Variants in DET1 observed in about 807,000 individuals in gnomAD.
DET1 encodes DET1 partner of COP1 E3 ubiquitin ligase.
A neutral mutation model predicts 43.7 loss-of-function variants in DET1; 22 were observed. The observed-to-expected ratio is 0.50, with a 90% CI of 0.36 to 0.72. The LOEUF (loss-of-function observed/expected upper bound fraction) is 0.72. Ranked by LOEUF, DET1 falls within the 30% of genes least tolerant of loss-of-function variation. The pLI is 0.00. For synonymous variants in DET1, 315 were observed against 266.2 expected, an observed-to-expected ratio of 1.18 and a Z score of -1.79; for missense variants, 713 against 713.3, an observed-to-expected ratio of 1.00 and a Z score of 0.00.
At chr15:88,515,383 A>G (rs989414414) in intron 4 of DET1, among the ~76,000 whole-genome samples, 3 of 151,830 alleles carry the variant, frequency 2.0e-5, no homozygotes, top group Non-Finnish European at 4.4e-5. Flanking sequence ...CTACAAAAAT[A>G]CAAAAATTAG....
intron 1 of DET1, among the ~76,000 whole-genome samples, chr15:88,540,708 T>C (rs1208492446): frequency 6.9e-6 from 1 of 145,362 alleles, no homozygotes; most frequent in Non-Finnish European, 1.5e-5. Flanking sequence ...CTCTGAAACA[T>C]GTGCTGTGTC....
chr15:88,543,700 C>T (rs1213224982), intron 1 of DET1, among the ~76,000 whole-genome samples: 1 of 152,208 alleles, frequency 6.6e-6, no homozygotes. Flanking sequence ...CGCCCTCACT[C>T]AGGCTCTCCG....
chr15:88,527,406 C>T (rs557509296), intron 3 of DET1, among the ~76,000 whole-genome samples, 193 bp downstream of exon 3: 1 of 152,296 alleles, frequency 6.6e-6, no homozygotes, highest in South Asian at 2.1e-4. Context: ...TAGAAAGAAT[C>T]ACAGACAATG....
chr15:88,516,103 A>G lies in DET1; in HGVS notation c.1463+679T>C, dbSNP rs539323548. Among the ~76,000 whole-genome samples the G allele has an allele frequency of 2.6e-5, 4 of 152,308 alleles. No individual in the cohort carries two copies. The highest frequency in any genetic ancestry group is 2.6e-4 in the Admixed American group (4 of 15,296). The stretch of plus-strand genomic sequence containing the variant: ...CTAACTACCACTGTTTCTGTGTGAA[A>G]AAGACCTTCCAAGCTCCAGCCTATA... On this transcript the variant is annotated intron_variant, in intron 4 of 4. Transcript: ENST00000268148. This position sits in a 1 kb window ranked among gnomAD's most constrained non-coding sequence, Gnocchi z 4.4.
intron 3 of DET1, among the ~76,000 whole-genome samples, chr15:88,526,773 G>A (rs1160016210): frequency 6.6e-6 from 1 of 152,190 alleles, no homozygotes. Flanking sequence ...AATCTGTTCA[G>A]AGAATAAACT....
chr15:88,528,571 C>T (rs2142301632), intron 2 of DET1, among the ~76,000 whole-genome samples: 1 of 152,356 alleles, frequency 6.6e-6, no homozygotes, highest in Non-Finnish European at 1.5e-5. Flanking sequence ...ACTGCTTTTT[C>T]TAAATGGGCC....
At chr15:88,505,007 C>T (rs1466803667) in intron 7 of DET1, 1 of 152,192 alleles carries the variant, frequency 6.6e-6, no homozygotes, top group African/African-American at 2.4e-5. Context: ...AATGCCAGTA[C>T]CTTTAAGATA....
intron 7 of DET1, among the ~76,000 whole-genome samples, chr15:88,506,642 C>G (rs1441474808): frequency 6.6e-6 from 1 of 152,148 alleles, no homozygotes; most frequent in Non-Finnish European, 1.5e-5. Flanking sequence ...CAAAGGAACA[C>G]TTCATGACTG....
At chr15:88,543,354 C>A (rs571442734) in intron 1 of DET1, among the ~76,000 whole-genome samples, 1 of 152,218 alleles carries the variant, frequency 6.6e-6, no homozygotes, top group African/African-American at 2.4e-5. Context: ...GCTGTAGAGA[C>A]TTTACTACAA....
intron 3 of DET1, among the ~76,000 whole-genome samples, chr15:88,521,025 A>T (rs2056475311): frequency 6.6e-6 from 1 of 152,186 alleles, no homozygotes; most frequent in Non-Finnish European, 1.5e-5. Context: ...CAAACATGAC[A>T]CAATCTACCT....
At chr15:88,533,055 T>A (rs1314498540) in intron 1 of DET1, among the ~76,000 whole-genome samples, 2 of 152,194 alleles carry the variant, frequency 1.3e-5, no homozygotes, top group Non-Finnish European at 2.9e-5. Flanking sequence ...AAAGGGTTAA[T>A]ATCTAGAACA....
chr15:88,524,494 C>T lies in DET1; in HGVS notation c.1271+3105G>A, dbSNP rs185569585. 2.6e-3 allele frequency among the ~76,000 whole-genome samples: 395 copies of T among 152,290 alleles called. 10 individuals are homozygous for T. In the East Asian group the frequency reaches 0.05, roughly 19 times the overall value. On this transcript the variant is annotated intron_variant, in intron 3 of 4. Transcript: ENST00000268148. ...GCTCATTGAGAATGGGCCATGATGA[C>T]GATGGCGGTTTTGTCGAATAGAAAA...
rs200079182 is a variant in DET1 at position 88,527,623 on chromosome 15, T to A, written c.1247A>T (p.Asn416Ile). The A allele has an allele frequency of 5.2e-5, 83 of 1,607,984 alleles. No individual in the cohort carries two copies. In the African/African-American group the frequency reaches 7.0e-4, roughly 14 times the overall value. The change falls in exon 3 of 5, where the codon AAT (asparagine) becomes ATT (isoleucine). Residue 416 changes from asparagine (N) to isoleucine (I), a missense_variant. Asn to Ile is a moderately radical substitution (Grantham distance 149). Transcript: ENST00000268148. ...VQFPCSASSN[N>I]FARQIQRRFK... ...CCGGCGCTGGATCTGCCTTGCAAAA[T>A]TGTTGCTAGAAGCTGAGCAGGGAAA...
chr15:88,534,493 G>T (rs1169291709), intron 1 of DET1, among the ~76,000 whole-genome samples: 1 of 152,176 alleles, frequency 6.6e-6, no homozygotes, highest in Non-Finnish European at 1.5e-5. Context: ...CCCCAATTTT[G>T]TCATCAGAGG....
At chr15:88,536,235 C>G (rs139603028) in intron 1 of DET1, 1 of 715,518 alleles carries the variant, frequency 1.4e-6, no homozygotes, top group East Asian at 2.6e-5. Context: ...AGGCACCTTA[C>G]GTCTGCCCAC....
At chr15:88,505,463 CCTTT>C (rs1309207386) in intron 7 of DET1, 6 of 152,218 alleles carry the variant, frequency 3.9e-5, no homozygotes, top group African/African-American at 1.4e-4. Flanking sequence ...CACTGCTCTG[CCTTT>C]CTGAGTATAA....
At chr15:88,515,563 AAAAAAG>A (rs1336408579) in intron 4 of DET1, among the ~76,000 whole-genome samples, 206 of 150,252 alleles carry the variant, frequency 1.4e-3, no homozygotes, top group African/African-American at 4.7e-3. Context: ...AAAAAAAAAA[AAAAAAG>A]ACCGAAGGGA....
chr15:88,527,622 A>G lies in DET1; in HGVS notation c.1248T>C (p.Asn416=). 1 of 1,608,284 alleles carries G rather than the reference A, an allele frequency of 6.2e-7. No individual in the cohort carries two copies. Among genetic ancestry groups the G allele is most frequent in the Non-Finnish European group, 8.5e-7 (1 of 1,176,734 alleles). Reference sequence around the variant, plus strand: ...ACCGGCGCTGGATCTGCCTTGCAAAATTGTTGCTAGAAGCTGAGCAGGGAA... The same window carrying G: ...ACCGGCGCTGGATCTGCCTTGCAAAGTTGTTGCTAGAAGCTGAGCAGGGAA... The part of the protein sequence containing the change: ...VQFPCSASSN[N]FARQIQRRFK... Residue 416 remains asparagine (N), a synonymous_variant, in exon 3 of 5, where the codon AAT becomes AAC. Coordinates refer to ENST00000268148, the MANE Select transcript of DET1 (RefSeq NM_001144074.3).
chr15:88,509,316 T>A (rs56403964), downstream of DET1, among the ~76,000 whole-genome samples: 19,978 of 152,190 alleles, frequency 0.13, 1,886 homozygotes, highest in East Asian at 0.51. Flanking sequence ...AAGCCTGGCC[T>A]ACTGAAGGAG....
Sources: allele counts gnomAD v4.1 joint callset (sites outside exome capture counted in the v4.1 genomes callset), GRCh38; gene constraint gnomAD v4.1.1; non-coding constraint Gnocchi (gnomAD v3.1); transcripts MANE v1.5; gene names NCBI Gene and HGNC (gene_info 2026-07-23, HGNC 2026-07-21).